PSME4: variants seen among roughly 807,000 people sequenced by gnomAD.
PSME4 encodes the protein proteasome activator subunit 4.
Under a neutral mutation model 253.9 loss-of-function variants are expected in PSME4, and 89 were observed. The observed-to-expected ratio is 0.35, with a 90% CI of 0.30 to 0.42. The LOEUF (loss-of-function observed/expected upper bound fraction) is 0.42. Ranked by LOEUF, PSME4 falls within the 10% of genes least tolerant of loss-of-function variation. The pLI is 1.00. For synonymous variants in PSME4, 851 were observed against 759.2 expected, an observed-to-expected ratio of 1.12 and a Z score of -1.99; for missense variants, 2,014 against 2,195.2, an observed-to-expected ratio of 0.92 and a Z score of 1.65.
At chr2:53,885,284 G>T (rs1456533327) in intron 41 of PSME4, among the ~76,000 whole-genome samples, 3 of 152,092 alleles carry the variant, frequency 2.0e-5, no homozygotes, top group Non-Finnish European at 4.4e-5. Flanking sequence ...CAGTTATAGG[G>T]TCCTTTAACA....
chr2:53,967,991 G>T (rs1223298847), intron 1 of PSME4, among the ~76,000 whole-genome samples: 2 of 152,070 alleles, frequency 1.3e-5, no homozygotes, highest in African/African-American at 4.8e-5. Context: ...ATTTAGTCCA[G>T]GCCGGGTGCG....
At chr2:53,929,884 G>A (rs1668742328) in intron 10 of PSME4, among the ~76,000 whole-genome samples, 1 of 151,912 alleles carries the variant, frequency 6.6e-6, no homozygotes, top group African/African-American at 2.4e-5. Flanking sequence ...TGGGCATGGT[G>A]GCAGACACCT....
At chr2:53,963,484 C>T (rs751428647) in intron 1 of PSME4, among the ~76,000 whole-genome samples, 4 of 152,206 alleles carry the variant, frequency 2.6e-5, no homozygotes, top group Non-Finnish European at 5.9e-5. Context: ...GCCTCTACTA[C>T]ACTGTATTAA....
At chr2:53,970,254 G>A (rs905417290) in intron 1 of PSME4, among the ~76,000 whole-genome samples, 6 of 152,162 alleles carry the variant, frequency 3.9e-5, no homozygotes, top group Non-Finnish European at 2.9e-5. Context: ...GGGCCCTTGG[G>A]CTACCCAGGG....
intron 26 of PSME4, among the ~76,000 whole-genome samples, chr2:53,905,346 C>T (rs1680605581): frequency 2.0e-5 from 3 of 146,448 alleles, no homozygotes; most frequent in South Asian, 5.0e-4. Flanking sequence ...TCATTTTAAA[C>T]ATTACTTTAG....
chr2:53,911,333 G>C (rs1286643109), intron 20 of PSME4, among the ~76,000 whole-genome samples: 4 of 152,010 alleles, frequency 2.6e-5, no homozygotes, highest in Non-Finnish European at 5.9e-5. Flanking sequence ...ACGTTAATTT[G>C]CTTTTTCAGA....
intron 43 of PSME4, chr2:53,870,986 A>C (rs1678850613): frequency 6.6e-6 from 1 of 152,168 alleles, no homozygotes; most frequent in Non-Finnish European, 1.5e-5. Flanking sequence ...TAGTAAGTTT[A>C]AAGATATAAA....
intron 43 of PSME4, chr2:53,869,820 A>T: frequency 4.9e-6 from 1 of 205,952 alleles, no homozygotes; most frequent in South Asian, 1.6e-4. Context: ...GATAGCTCTC[A>T]TCAGGGCTAT....
Position 53,909,726 on chromosome 2 carries a change from C to T in PSME4, c.2572+349G>A, listed in dbSNP as rs189632052. Among the ~76,000 whole-genome samples the T allele has an allele frequency of 5.3e-5, 8 of 152,248 alleles. No individual in the cohort carries two copies. In the East Asian group the frequency reaches 7.7e-4, roughly 15 times the overall value. Reference sequence around the variant, plus strand: ...TGTAATCCCCCAGCACTCTGGGAAGCGGAGGTGGGTAGATCACTTGATGTC... The same window carrying T: ...TGTAATCCCCCAGCACTCTGGGAAGTGGAGGTGGGTAGATCACTTGATGTC... On this transcript the variant is annotated intron_variant, in intron 21 of 46. Transcript: ENST00000404125.
chr2:53,915,990 G>A (rs376105311), intron 20 of PSME4, among the ~76,000 whole-genome samples: 4 of 152,082 alleles, frequency 2.6e-5, no homozygotes, highest in East Asian at 1.9e-4. Context: ...CAGGATAATC[G>A]CTTGAACCCG....
chr2:53,874,384 A>T lies in PSME4; in HGVS notation c.5055T>A (p.Asp1685Glu). ...AAAGACTTATAACCAGCCACCTGAT[A>T]TCTTTAACTGCATCTTCATTGTTTA... ...IFLNNEDAVKDIRWLVISLLE... is the reference protein window; with the variant it reads ...IFLNNEDAVKEIRWLVISLLE... The change falls in exon 43 of 47, where the codon GAT (aspartate) becomes GAA (glutamate). Residue 1685 changes from aspartate (D) to glutamate (E), a missense_variant. This residue lies in a region of PSME4 where 403 missense variants were observed against 556.1 expected (regional missense o/e 0.72). Coordinates refer to ENST00000404125, the MANE Select transcript of PSME4 (RefSeq NM_014614.3). 1 of 1,614,114 alleles carries T rather than the reference A, an allele frequency of 6.2e-7. No homozygotes were observed. Among genetic ancestry groups the T allele is most frequent in the East Asian group, 2.2e-5 (1 of 44,872 alleles).
At chr2:53,925,002 C>T (rs112737047) in intron 14 of PSME4, among the ~76,000 whole-genome samples, 238 of 152,322 alleles carry the variant, frequency 1.6e-3, no homozygotes, top group African/African-American at 5.5e-3. Context: ...AATCCGCAGT[C>T]AACAGCAACA....
intron 1 of PSME4, among the ~76,000 whole-genome samples, chr2:53,957,668 TTAGAG>T (rs778329904): frequency 7.9e-5 from 12 of 152,162 alleles, no homozygotes; most frequent in Non-Finnish European, 1.2e-4. Flanking sequence ...GACCCCTACT[TTAGAG>T]ATTCCCACCA....
intron 4 of PSME4, among the ~76,000 whole-genome samples, chr2:53,938,123 T>TTTG (rs1669207003): frequency 6.6e-6 from 1 of 152,114 alleles, no homozygotes; most frequent in South Asian, 2.1e-4. Flanking sequence ...ACCTATAAAA[T>TTTG]TAAACAGAGT....
chr2:53,901,371 T>A lies in PSME4; in HGVS notation c.3264A>T (p.Glu1088Asp). Residue 1088 changes from glutamate to aspartate, a missense_variant, in exon 28 of 47, where the codon GAA becomes GAT. Around this residue, in one of 4 missense-constraint regions of PSME4, gnomAD observed 989 missense variants for 1,021.1 expected, o/e 0.97. Coordinates refer to ENST00000404125, the MANE Select transcript of PSME4 (RefSeq NM_014614.3). ...TTACTGTGAAGTCCAAGCCAATTGT[T>A]TCATACTGCCTATGAATCTTTTCTG... ...DLAEKIHRQY[E>D]TIGLDFTIPK... 1.9e-6 allele frequency: 3 copies of A among 1,613,814 alleles called. No homozygotes were observed. The highest frequency in any genetic ancestry group is 2.5e-6 in the Non-Finnish European group (3 of 1,179,664).
intron 3 of PSME4, among the ~76,000 whole-genome samples, chr2:53,940,960 T>A (rs10166829): frequency 0.027 from 729 of 26,924 alleles, 25 homozygotes; most frequent in African/African-American, 0.047. Context: ...TACATATATA[T>A]ATATATATAT....
intron 20 of PSME4, chr2:53,917,237 G>T (rs1573283580): frequency 5.9e-6 from 1 of 169,950 alleles, no homozygotes; most frequent in Middle Eastern, 5.9e-4. Flanking sequence ...AACTTTTCTG[G>T]GAAAAGCAGA....
chr2:53,959,949 A>G (rs1458631107), intron 1 of PSME4, among the ~76,000 whole-genome samples: 1 of 152,236 alleles, frequency 6.6e-6, no homozygotes, highest in African/African-American at 2.4e-5. Context: ...AAATAAAATA[A>G]AGCATTAACA....
intron 46 of PSME4, 42 bp downstream of exon 46, chr2:53,866,043 C>T: frequency 1.3e-6 from 2 of 1,526,650 alleles, no homozygotes; most frequent in Non-Finnish European, 1.8e-6. Context: ...ATCTAGTTCT[C>T]AGTCACCAAA....
Sources: gnomAD v4.1 joint callset for allele counts (sites outside exome capture counted in the v4.1 genomes callset) on GRCh38, gnomAD v4.1.1 for gene constraint, gnomAD v4.1.1 regional missense constraint, MANE v1.5 for transcripts, NCBI Gene and HGNC (gene_info 2026-07-23, HGNC 2026-07-21) for gene names.